The following ZFPM1 variants were observed in gnomAD, a reference collection of about 807,000 sequenced individuals.
ZFPM1 encodes zinc finger protein, FOG family member 1.
Under a neutral mutation model 46.3 loss-of-function variants are expected in ZFPM1, and 28 were observed. The observed-to-expected ratio is 0.60, with a 90% CI of 0.45 to 0.83. The LOEUF is 0.83. Ranked by LOEUF, ZFPM1 falls within the 40% of genes least tolerant of loss-of-function variation. ZFPM1 has a pLI of 0.00. For synonymous variants in ZFPM1, 957 were observed against 675.9 expected (o/e 1.42, Z -6.45); for missense variants, 1,878 against 1,432.4 (o/e 1.31, Z -5.02).
intron 3 of ZFPM1, among the ~76,000 whole-genome samples, chr16:88,492,881 A>G (rs893059787): frequency 1.3e-5 from 2 of 152,182 alleles, no homozygotes; most frequent in African/African-American, 4.8e-5. Flanking sequence ...CGCTGCACAC[A>G]TAAGTGAGTT....
At chr16:88,458,578 A>G (rs964569572) in intron 1 of ZFPM1, among the ~76,000 whole-genome samples, 7 of 152,156 alleles carry the variant, frequency 4.6e-5, no homozygotes, top group Admixed American at 3.3e-4. Flanking sequence ...CTTGTGAATA[A>G]TACTCCCGCT....
intron 1 of ZFPM1, among the ~76,000 whole-genome samples, chr16:88,483,114 C>A (rs1909032080): frequency 6.6e-6 from 1 of 152,150 alleles, no homozygotes; most frequent in Admixed American, 6.5e-5. Flanking sequence ...GGGCTGGCTC[C>A]TGTGTGGTCT....
At chr16:88,520,296 A>ATGGATGCGTGGGTGAG (rs1292282058) in intron 4 of ZFPM1, among the ~76,000 whole-genome samples, 1 of 149,708 alleles carries the variant, frequency 6.7e-6, no homozygotes, top group East Asian at 2.0e-4. Context: ...AGGTAGGTGG[A>ATGGATGCGTGGGTGAG]TGGATGCGTG....
intron 3 of ZFPM1, among the ~76,000 whole-genome samples, chr16:88,511,249 T>C (rs1404553832): frequency 6.6e-6 from 1 of 152,178 alleles, no homozygotes; most frequent in African/African-American, 2.4e-5. Context: ...GCATGCCTGT[T>C]GCTGCCCCAG....
Position 88,532,677 on chromosome 16 carries a change from G to T in ZFPM1, c.1010G>T (p.Arg337Leu). Residue 337 changes from arginine (R) to leucine (L), a missense_variant, in exon 8 of 10, where the codon CGG (arginine) becomes CTG (leucine). Transcript: ENST00000319555. ...TTCACCACCAAGGCCAACTGCGAGCGGCACCTCAAGGTGCACACGGACACG... is the reference window on the plus strand; with the variant it reads ...TTCACCACCAAGGCCAACTGCGAGCTGCACCTCAAGGTGCACACGGACACG... ...SAFTTKANCE[R>L]HLKVHTDTLS... 6.2e-7 allele frequency: 1 copy of T among 1,606,288 alleles called. No homozygotes were observed. Among genetic ancestry groups the T allele is most frequent in the South Asian group, 1.1e-5 (1 of 90,292 alleles).
chr16:88,532,928 G>A lies in ZFPM1; in HGVS notation c.1182G>A (p.Leu394=). The change falls in exon 9 of 10, where the codon CTG becomes CTA. Residue 394 remains leucine (L), a synonymous_variant. Coordinates refer to ENST00000319555, the MANE Select transcript of ZFPM1 (RefSeq NM_153813.3). Reference sequence around the variant, plus strand: ...GGGCCGGACACCCAGCAACCAAGCTGCCCCCAGGTGAGCAGCCCTGTGGGG... The same window carrying A: ...GGGCCGGACACCCAGCAACCAAGCTACCCCCAGGTGAGCAGCCCTGTGGGG... ...SPGAGHPATK[L]PPDSLGSFQQ... 6.2e-7 allele frequency: 1 copy of A among 1,612,986 alleles called. No individual in the cohort carries two copies. Among genetic ancestry groups the A allele is most frequent in the Non-Finnish European group, 8.5e-7 (1 of 1,179,954 alleles).
intron 3 of ZFPM1, among the ~76,000 whole-genome samples, chr16:88,500,424 C>T (rs552393366): frequency 6.6e-6 from 1 of 152,372 alleles, no homozygotes; most frequent in African/African-American, 2.4e-5. Flanking sequence ...CAGCTGCTGC[C>T]CCAGCTGCCC....
intron 1 of ZFPM1, among the ~76,000 whole-genome samples, chr16:88,466,357 G>T (rs1355761620): frequency 1.3e-5 from 2 of 152,236 alleles, no homozygotes; most frequent in Non-Finnish European, 2.9e-5. Context: ...GCTCAGCGAG[G>T]TTGAGTAACT....
Position 88,527,657 on chromosome 16 carries a change from G to A in ZFPM1, c.506-375G>A, listed in dbSNP as rs1246131626. Among the ~76,000 whole-genome samples, 9 of 152,028 alleles carry A rather than the reference G, an allele frequency of 5.9e-5. No individual in the cohort carries two copies. The East Asian group carries it at 7.8e-4, about 13-fold the overall frequency. On this transcript the variant is annotated intron_variant, in intron 5 of 9. Transcript: ENST00000319555. The stretch of plus-strand genomic sequence containing the variant: ...CCTGCGGGTGGCTGCAGGAAGAGCC[G>A]CCCTTGGACGGTTTCCTGGAGAGCC...
chr16:88,501,101 G>A (rs1910239644), intron 3 of ZFPM1, among the ~76,000 whole-genome samples: 2 of 146,856 alleles, frequency 1.4e-5, no homozygotes, highest in Admixed American at 1.3e-4. Flanking sequence ...CGCAGGTGCT[G>A]GTGATGATGG....
intron 4 of ZFPM1, among the ~76,000 whole-genome samples, chr16:88,516,988 G>A (rs1320364708): frequency 6.6e-6 from 1 of 152,192 alleles, no homozygotes; most frequent in Non-Finnish European, 1.5e-5. Context: ...GCCGAGTCAG[G>A]AGCGTGGACT....
At chr16:88,528,817 C>T (rs1912553205) in intron 6 of ZFPM1, among the ~76,000 whole-genome samples, 1 of 152,236 alleles carries the variant, frequency 6.6e-6, no homozygotes, top group African/African-American at 2.4e-5. Flanking sequence ...AGCCATCCTG[C>T]CTCAGCCTCC....
chr16:88,533,443 C>A lies in ZFPM1; in HGVS notation c.1485C>A (p.Pro495=). The stretch of plus-strand genomic sequence containing the variant: ...CGCGGACGCCGTCGCCGCGCAGCCC[C>A]GCCCCGGCCAGGGTCAAGGCCGAGC... The part of the protein sequence containing the change: ...APSRTPSPRS[P]APARVKAELS... The change falls in exon 10 of 10, where the codon CCC becomes CCA. Residue 495 remains proline, a synonymous_variant. Coordinates refer to ENST00000319555, the MANE Select transcript of ZFPM1 (RefSeq NM_153813.3). The A allele has an allele frequency of 6.9e-7, 1 of 1,447,782 alleles. No homozygotes were observed. The highest frequency in any genetic ancestry group is 9.0e-7 in the Non-Finnish European group (1 of 1,109,762). 89.7% of individuals were successfully genotyped at this position (1,447,782 alleles called of 1,614,324 possible).
At chr16:88,482,081 C>T (rs1001049389) in intron 1 of ZFPM1, among the ~76,000 whole-genome samples, 7 of 152,146 alleles carry the variant, frequency 4.6e-5, no homozygotes, top group Non-Finnish European at 8.8e-5. Context: ...CCTGCCTGGC[C>T]GTGGGTTGGC....
chr16:88,523,386 C>A (rs867678830), intron 4 of ZFPM1, among the ~76,000 whole-genome samples: 3 of 152,180 alleles, frequency 2.0e-5, no homozygotes, highest in Non-Finnish European at 4.4e-5. Context: ...CCAGCCCCTC[C>A]GCAAGGGAAG....
chr16:88,494,046 G>T (rs561375191), intron 3 of ZFPM1, among the ~76,000 whole-genome samples: 4 of 152,184 alleles, frequency 2.6e-5, no homozygotes, highest in Non-Finnish European at 5.9e-5. Context: ...AGCCACAGCC[G>T]CAGGAAGCCT....
At chr16:88,513,953 T>A (rs540147959) in intron 3 of ZFPM1, among the ~76,000 whole-genome samples, 1 of 152,360 alleles carries the variant, frequency 6.6e-6, no homozygotes, top group African/African-American at 2.4e-5. Flanking sequence ...TCAAGAGCCT[T>A]AATCTAATTG....
rs538296333 is a variant in ZFPM1, at chr16:88,517,494, G to A, written c.402+2974G>A. On this transcript the variant is annotated intron_variant, in intron 4 of 9. Coordinates refer to ENST00000319555, the MANE Select transcript of ZFPM1 (RefSeq NM_153813.3). Reference sequence around the variant, plus strand: ...TGGCTGGGTGGATGGATGGATGGATGGATGGATGGATGGATGGATGGATGG... The same window carrying A: ...TGGCTGGGTGGATGGATGGATGGATAGATGGATGGATGGATGGATGGATGG... Among the ~76,000 whole-genome samples the A allele has an allele frequency of 2.0e-5, 3 of 151,266 alleles. No homozygotes were observed. In the South Asian group the frequency reaches 6.3e-4, roughly 32 times the overall value.
intron 4 of ZFPM1, among the ~76,000 whole-genome samples, chr16:88,521,507 T>C (rs1246024104): frequency 6.6e-6 from 1 of 151,190 alleles, no homozygotes; most frequent in East Asian, 2.0e-4. Context: ...CAACACCATG[T>C]TCCCTCCCCC....
Sources: allele counts gnomAD v4.1 joint callset (sites outside exome capture counted in the v4.1 genomes callset), GRCh38; gene constraint gnomAD v4.1.1; transcripts MANE v1.5; gene names NCBI Gene and HGNC (gene_info 2026-07-23, HGNC 2026-07-21).